ARHGEF19: variants seen among roughly 807,000 people sequenced by gnomAD.
The protein encoded by ARHGEF19 is Rho guanine nucleotide exchange factor (GEF) 19.
ARHGEF19 carries 92 observed loss-of-function variants against 87.6 expected under a neutral mutation model. The ratio of observed to expected loss-of-function variants is 1.05; its 90% CI spans 0.89 to 1.25. The LOEUF (loss-of-function observed/expected upper bound fraction) is 1.25. Ranked by LOEUF, ARHGEF19 falls within the 50% of genes most tolerant of loss-of-function variation. The pLI, the probability that ARHGEF19 is intolerant of heterozygous loss-of-function variation, is 0.00. For synonymous variants in ARHGEF19, 438 were observed against 446.2 expected (o/e 0.98, Z 0.23); for missense variants, 1,054 against 1,051.8 (o/e 1.00, Z -0.03).
At chr1:16,208,280 C>G (rs565686232) in intron 2 of ARHGEF19, 55 bp from the exon 3 acceptor site, 103 of 1,565,812 alleles carry the variant, frequency 6.6e-5, no homozygotes, top group Non-Finnish European at 8.7e-5. Context: ...CCAACCTCCT[C>G]CCTGCTGCTG....
chr1:16,205,091 C>T lies in ARHGEF19; in HGVS notation c.1742G>A (p.Gly581Asp). The T allele has an allele frequency of 3.1e-6, 5 of 1,601,990 alleles. No homozygotes were observed. Among genetic ancestry groups the T allele is most frequent in the East Asian group, 2.3e-5 (1 of 44,408 alleles). Residue 581 changes from glycine (G) to aspartate (D), a missense_variant, in exon 11 of 16, where the codon GGC becomes GAC. Gly to Asp is a moderately conservative substitution (Grantham distance 94, BLOSUM62 -1). Transcript: ENST00000270747. The surrounding 1 kb of genome is among the most constrained non-coding windows in gnomAD (Gnocchi z 5.8). ...IHLSKKIHFE[G>D]KIFPLISQAR... ...CCGCTGGCTGCAGACACACACCTTG[C>T]CCTCAAAGTGGATCTTCTTGCTCAG...
In ARHGEF19 at chr1:16,198,217, G is replaced by T; in HGVS notation, c.*370C>A. ...CAGATATATATAAATATACATATAG[G>T]TCCCAGCACCATCAGCACCAGAACG... On this transcript the variant is annotated 3_prime_UTR_variant, in exon 16 of 16. Transcript: ENST00000270747. This position sits in a 1 kb window ranked among gnomAD's most constrained non-coding sequence, Gnocchi z 4.1. 5.8e-6 allele frequency: 1 copy of T among 171,046 alleles called. No homozygotes were observed. Among genetic ancestry groups the T allele is most frequent in the East Asian group, 1.6e-4 (1 of 6,266 alleles). The allele number at this position is 171,046 out of a possible 1,614,324, so 10.6% of individuals were successfully genotyped here. A position where few individuals can be genotyped will look rare whatever the true frequency, so the allele number is the denominator to read the frequency against.
Position 16,206,097 on chromosome 1 carries a change from G to C in ARHGEF19, c.1299-14C>G. On this transcript the variant is annotated splice_polypyrimidine_tract_variant and intron_variant, in intron 7 of 15. Coordinates refer to ENST00000270747, the MANE Select transcript of ARHGEF19 (RefSeq NM_153213.5). This position sits in a 1 kb window ranked among gnomAD's most constrained non-coding sequence, Gnocchi z 4.6. Reference sequence around the variant, plus strand: ...TCCTGCAGGAACCTGAGGAGTCAGAGCCAGGATGGAGACCCCAGATCTGGG... The same window carrying C: ...TCCTGCAGGAACCTGAGGAGTCAGACCCAGGATGGAGACCCCAGATCTGGG... 6.3e-7 allele frequency: 1 copy of C among 1,575,846 alleles called. No individual in the cohort carries two copies. Among genetic ancestry groups the C allele is most frequent in the South Asian group, 1.2e-5 (1 of 86,376 alleles).
At chr1:16,204,628 T>C in intron 12 of ARHGEF19, 131 bp downstream of exon 12, 1 of 1,111,424 alleles carries the variant, frequency 9.0e-7, no homozygotes, top group Non-Finnish European at 1.2e-6. Flanking sequence ...AATCTCAGGG[T>C]GCCCTGGCAG....
At position 16,206,968 on chromosome 1, in the gene ARHGEF19, G is replaced by T; in HGVS notation, c.1117C>A (p.Arg373=). The T allele has an allele frequency of 2.7e-6, 4 of 1,457,480 alleles. No homozygotes were observed. Among genetic ancestry groups the T allele is most frequent in the Non-Finnish European group, 3.6e-6 (4 of 1,104,172 alleles). 90.3% of individuals were successfully genotyped at this position (1,457,480 alleles called of 1,614,324 possible). ...GSGVLATLSL[R]DCKLQEAKFE... Reference sequence around the variant, plus strand: ...CCCACCTCCTGCAGCTTGCAGTCCCGCAGGCTCAGCGTGGCCAGGACGCCG... The same window carrying T: ...CCCACCTCCTGCAGCTTGCAGTCCCTCAGGCTCAGCGTGGCCAGGACGCCG... Residue 373 remains arginine (R), a synonymous_variant, in exon 6 of 16, where the codon CGG becomes AGG. Coordinates refer to ENST00000270747, the MANE Select transcript of ARHGEF19 (RefSeq NM_153213.5). This position sits in a 1 kb window ranked among gnomAD's most constrained non-coding sequence, Gnocchi z 4.6.
Position 16,206,998 on chromosome 1 carries a change from C to T in ARHGEF19, c.1087G>A (p.Gly363Ser). The T allele has an allele frequency of 2.0e-6, 3 of 1,517,230 alleles. No individual in the cohort carries two copies. Among genetic ancestry groups the T allele is most frequent in the Non-Finnish European group, 2.6e-6 (3 of 1,136,080 alleles). 94.0% of individuals were successfully genotyped at this position (1,517,230 alleles called of 1,614,324 possible). A position where few individuals can be genotyped will look rare whatever the true frequency, so the allele number is the denominator to read the frequency against. Residue 363 changes from glycine to serine, a missense_variant, in exon 6 of 16, where the codon GGC (glycine) becomes AGC (serine). Physicochemically the swap from Gly to Ser is moderately conservative, Grantham distance 56 (BLOSUM62 0). Transcript: ENST00000270747. This position sits in a 1 kb window ranked among gnomAD's most constrained non-coding sequence, Gnocchi z 4.6. ...SLWQDIPDVR[G>S]SGVLATLSLR... ...CTCAGCGTGGCCAGGACGCCGCTGC[C>T]GCGTACGTCGGGGATATCCTGCCAC...
intron 1 of ARHGEF19, among the ~76,000 whole-genome samples, chr1:16,211,836 A>C (rs1349372345): frequency 6.6e-6 from 1 of 152,216 alleles, no homozygotes; most frequent in African/African-American, 2.4e-5. Context: ...CAGGGACATT[A>C]CCTTCCCAAG....
intron 1 of ARHGEF19, among the ~76,000 whole-genome samples, chr1:16,212,000 A>G (rs922219463): frequency 1.3e-5 from 2 of 152,228 alleles, no homozygotes; most frequent in Non-Finnish European, 2.9e-5. Context: ...TGGCCTCAGT[A>G]TTCCCATCTG....
chr1:16,204,269 G>C (rs1309373091), intron 12 of ARHGEF19, among the ~76,000 whole-genome samples: 1 of 144,704 alleles, frequency 6.9e-6, no homozygotes, highest in Non-Finnish European at 1.5e-5. Flanking sequence ...TGTGAGTCAG[G>C]CATGGTGCTG....
rs564145899 is a variant in ARHGEF19 at position 16,204,479 on chromosome 1, G to A, written c.1907+280C>T. 5.3e-5 allele frequency among the ~76,000 whole-genome samples: 8 copies of A among 152,326 alleles called. No homozygotes were observed. In the East Asian group the frequency reaches 1.2e-3, roughly 22 times the overall value. On this transcript the variant is annotated intron_variant, in intron 12 of 15. Coordinates refer to ENST00000270747, the MANE Select transcript of ARHGEF19 (RefSeq NM_153213.5). ...GACTCAGGGCAGAGTTGGGACTCTA[G>A]GGCTATGCTCTTAGTCTCTGCTCTT...
In ARHGEF19 at chr1:16,208,127, G is replaced by A. The variant is rs1473217016; in HGVS notation, c.511C>T (p.Leu171=). 6.2e-7 allele frequency: 1 copy of A among 1,613,616 alleles called. No individual in the cohort carries two copies. Among genetic ancestry groups the A allele is most frequent in the East Asian group, 2.2e-5 (1 of 44,874 alleles). The change falls in exon 3 of 16, where the codon CTG becomes TTG. Residue 171 remains leucine (L), a synonymous_variant. Coordinates refer to ENST00000270747, the MANE Select transcript of ARHGEF19 (RefSeq NM_153213.5). ...EPGQVVQEQA[L]STEEPRVELS... ...TCCACCCTGGGCTCCTCTGTGCTCAGGGCCTGCTCTTGCACTACCTGGCCA... is the reference window on the plus strand; with the variant it reads ...TCCACCCTGGGCTCCTCTGTGCTCAAGGCCTGCTCTTGCACTACCTGGCCA...
chr1:16,203,235 A>G (rs2081098643), intron 12 of ARHGEF19, among the ~76,000 whole-genome samples: 1 of 152,142 alleles, frequency 6.6e-6, no homozygotes, highest in South Asian at 2.1e-4. Context: ...CGGCATCAGA[A>G]AAAACTCAGC....
chr1:16,206,307 AG>A lies in ARHGEF19; in HGVS notation c.1170del (p.Tyr391ThrfsTer13). On this transcript the variant is annotated frameshift_variant, in exon 7 of 16. Transcript: ENST00000270747. LOFTEE classifies it high-confidence loss of function. This position sits in a 1 kb window ranked among gnomAD's most constrained non-coding sequence, Gnocchi z 4.6. ...ACAGCCACCGACAGGCTGTGGATGT[AG>A]GAGGCCTCGGAGGTGATCAGCTCAA... Reference protein sequence around the residue: ...AKFELITSEASYIHSLSVAVG... With the variant: ...AKFELITSEAXYIHSLSVAVG... 6.3e-7 allele frequency: 1 copy of A among 1,582,534 alleles called. No individual in the cohort carries two copies.
intron 12 of ARHGEF19, 44 bp downstream of exon 12, chr1:16,204,715 C>G: frequency 6.6e-7 from 1 of 1,520,044 alleles, no homozygotes; most frequent in Non-Finnish European, 8.8e-7. Context: ...AGGAAGAGAG[C>G]CTGGCTCCAC....
At position 16,206,937 on chromosome 1, in the gene ARHGEF19, C is replaced by T. The variant is rs1569712496; in HGVS notation, c.1137+11G>A. On this transcript the variant is annotated intron_variant, in intron 6 of 15. Coordinates refer to ENST00000270747, the MANE Select transcript of ARHGEF19 (RefSeq NM_153213.5). The surrounding 1 kb of genome is among the most constrained non-coding windows in gnomAD (Gnocchi z 4.6). ...CCGCCCCCGCCCCGCCGGGTCCCCGCGCGCGCCCACCTCCTGCAGCTTGCA... is the reference window on the plus strand; with the variant it reads ...CCGCCCCCGCCCCGCCGGGTCCCCGTGCGCGCCCACCTCCTGCAGCTTGCA... 6.9e-7 allele frequency: 1 copy of T among 1,450,718 alleles called. No homozygotes were observed. The highest frequency in any genetic ancestry group is 9.0e-7 in the Non-Finnish European group (1 of 1,111,230). 89.9% of individuals were successfully genotyped at this position (1,450,718 alleles called of 1,614,324 possible).
intron 15 of ARHGEF19, 88 bp downstream of exon 15, chr1:16,199,062 G>T: frequency 7.5e-7 from 1 of 1,330,598 alleles, no homozygotes; most frequent in Non-Finnish European, 1.1e-6. Context: ...AACACTTGCA[G>T]AACCTTTCCC....
At position 16,207,883 on chromosome 1, in the gene ARHGEF19, G is replaced by GCGC; in HGVS notation, c.694+60_694+61insGCG. ...CTCAGGCGGCCGGTGAGTGGGCATCGCCCACCCCCACCCCCACCCGGCATC... is the reference window on the plus strand; with the variant it reads ...CTCAGGCGGCCGGTGAGTGGGCATCGCGCCCCACCCCCACCCCCACCCGGCATC... On this transcript the variant is annotated intron_variant, in intron 3 of 15. Coordinates refer to ENST00000270747, the MANE Select transcript of ARHGEF19 (RefSeq NM_153213.5). This position sits in a 1 kb window ranked among gnomAD's most constrained non-coding sequence, Gnocchi z 4.0. 2.0e-6 allele frequency: 3 copies of GCGC among 1,476,432 alleles called. No individual in the cohort carries two copies. The highest frequency in any genetic ancestry group is 2.8e-6 in the Non-Finnish European group (3 of 1,069,262). The allele number at this position is 1,476,432 out of a possible 1,614,324, so 91.5% of individuals were successfully genotyped here.
chr1:16,201,679 C>G (rs1457791002), intron 14 of ARHGEF19, 103 bp downstream of exon 14: 5 of 1,303,262 alleles, frequency 3.8e-6, no homozygotes, highest in South Asian at 1.5e-5. Context: ...AAGTTGGTCT[C>G]TCTCCCCATA....
rs1378671469 is a variant in ARHGEF19 at position 16,206,922 on chromosome 1, C to T, written c.1137+26G>A. 13 of 1,441,264 alleles carry T rather than the reference C, an allele frequency of 9.0e-6. No individual in the cohort carries two copies. Among genetic ancestry groups the T allele is most frequent in the Non-Finnish European group, 1.2e-5 (13 of 1,107,132 alleles). 89.3% of individuals were successfully genotyped at this position (1,441,264 alleles called of 1,614,324 possible). ...CGCGTACTCCCCGGCCCGCCCCCGC[C>T]CCGCCGGGTCCCCGCGCGCGCCCAC... On this transcript the variant is annotated intron_variant, in intron 6 of 15. Transcript: ENST00000270747. This position sits in a 1 kb window ranked among gnomAD's most constrained non-coding sequence, Gnocchi z 4.6.
Sources: allele counts gnomAD v4.1 joint callset (sites outside exome capture counted in the v4.1 genomes callset), GRCh38; gene constraint gnomAD v4.1.1; non-coding constraint Gnocchi (gnomAD v3.1); transcripts MANE v1.5; gene names NCBI Gene and HGNC (gene_info 2026-07-23, HGNC 2026-07-21).